AAK1: variants seen among roughly 807,000 people sequenced by gnomAD.
The protein encoded by AAK1 is AP2 associated kinase 1.
A neutral mutation model predicts 116.0 loss-of-function variants in AAK1; 37 were observed. The observed-to-expected ratio is 0.32, with a 90% CI of 0.25 to 0.42. The LOEUF is 0.42. Ranked by LOEUF, AAK1 falls within the 10% of genes least tolerant of loss-of-function variation. AAK1 has a pLI of 1.00. For synonymous variants in AAK1, 458 were observed against 439.9 expected, an observed-to-expected ratio of 1.04 and a Z score of -0.51; for missense variants, 919 against 1,170.6, an observed-to-expected ratio of 0.79 and a Z score of 3.14.
At chr2:69,587,691 C>A (rs1672850531) in intron 2 of AAK1, among the ~76,000 whole-genome samples, 1 of 151,954 alleles carries the variant, frequency 6.6e-6, no homozygotes, top group African/African-American at 2.4e-5. Context: ...GTCTTGAACT[C>A]CTGACCTCAG....
At position 69,492,518 on chromosome 2, in the gene AAK1, C is replaced by CTTTTTTTTT. The variant is rs987331929; in HGVS notation, c.2365+3458_2365+3466dup. ...CGTGAGCCACCGTGCCTGGCCAATT[C>CTTTTTTTTT]TTTTTTTTTTTTTTTTTTTTTTGAG... On this transcript the variant is annotated intron_variant, in intron 17 of 21. Coordinates refer to ENST00000409085, the MANE Select transcript of AAK1 (RefSeq NM_014911.5). Among the ~76,000 whole-genome samples the CTTTTTTTTT allele has an allele frequency of 4.2e-3, 347 of 83,398 alleles. 38 individuals carry two copies. Among genetic ancestry groups the CTTTTTTTTT allele is most frequent in the African/African-American group, 0.017 (322 of 18,936 alleles). The allele number at this position is 83,398 out of a possible 152,430, so 54.7% of individuals were successfully genotyped here.
intron 2 of AAK1, among the ~76,000 whole-genome samples, chr2:69,621,709 A>G (rs115191957): frequency 1.1e-3 from 163 of 152,328 alleles, no homozygotes; most frequent in Middle Eastern, 3.4e-3. Context: ...AACTACGAAC[A>G]CGCTGCCTCC....
intron 3 of AAK1, among the ~76,000 whole-genome samples, chr2:69,547,330 T>C (rs778921432): frequency 2.0e-5 from 3 of 152,046 alleles, no homozygotes; most frequent in African/African-American, 7.3e-5. Flanking sequence ...AAACAACATA[T>C]GGAATGGAAG....
At chr2:69,484,530 C>T (rs1675213844) in intron 17 of AAK1, among the ~76,000 whole-genome samples, 1 of 152,144 alleles carries the variant, frequency 6.6e-6, no homozygotes, top group Non-Finnish European at 1.5e-5. Context: ...CAGTGGCTCA[C>T]GCCTGTAATC....
At chr2:69,476,833 A>T (rs1289373054) in intron 21 of AAK1, 47 bp downstream of exon 21, 1 of 1,399,036 alleles carries the variant, frequency 7.1e-7, no homozygotes, top group Non-Finnish European at 1.0e-6. Flanking sequence ...ACTATTTTGA[A>T]GAGAACTGAG....
At position 69,458,796 on chromosome 2, in the gene AAK1, G is replaced by A. The variant is rs1439850363; in HGVS notation, c.*17073C>T. On this transcript the variant is annotated 3_prime_UTR_variant, in exon 22 of 22. Coordinates refer to ENST00000409085, the MANE Select transcript of AAK1 (RefSeq NM_014911.5). ...TACAGCTGATTTGCCATTTCAGAGT[G>A]AAAAGGCTGCACTGTCTCACCCTGC... is the stretch of plus-strand genomic sequence containing the variant. 1 of 152,598 alleles carries A rather than the reference G, an allele frequency of 6.6e-6. No individual in the cohort carries two copies. Among genetic ancestry groups the A allele is most frequent in the East Asian group, 1.9e-4 (1 of 5,200 alleles). The allele number at this position is 152,598 out of a possible 1,614,324, so 9.5% of individuals were successfully genotyped here. A position where few individuals can be genotyped will look rare whatever the true frequency, so the allele number is the denominator to read the frequency against.
chr2:69,553,505 G>A (rs4852274), intron 3 of AAK1, among the ~76,000 whole-genome samples: 54,184 of 143,218 alleles, frequency 0.38, 11,189 homozygotes, highest in East Asian at 0.75. Context: ...GTGTAGTGGC[G>A]TGATGTTGGC....
At chr2:69,615,269 A>C (rs1164181434) in intron 2 of AAK1, among the ~76,000 whole-genome samples, 1 of 152,154 alleles carries the variant, frequency 6.6e-6, no homozygotes, top group Non-Finnish European at 1.5e-5. Context: ...CGCAGGCCAG[A>C]ATAGTTCAGT....
At chr2:69,531,559 T>C (rs1298749432) in intron 6 of AAK1, 1 of 984,314 alleles carries the variant, frequency 1.0e-6, no homozygotes, top group African/African-American at 1.7e-5. Context: ...ATCATGAAAG[T>C]CTGTGATTCA....
intron 2 of AAK1, among the ~76,000 whole-genome samples, chr2:69,582,623 T>C (rs1459500624): frequency 6.6e-6 from 1 of 152,138 alleles, no homozygotes; most frequent in Non-Finnish European, 1.5e-5. Flanking sequence ...GGCTATTCAA[T>C]ATTCTACAGA....
chr2:69,553,111 C>T (rs1671244876), intron 3 of AAK1, among the ~76,000 whole-genome samples: 1 of 151,904 alleles, frequency 6.6e-6, no homozygotes, highest in South Asian at 2.1e-4. Flanking sequence ...AAAAATCCCC[C>T]AGAATGCAAG....
At chr2:69,627,706 C>A (rs1025138558) in intron 2 of AAK1, among the ~76,000 whole-genome samples, 1 of 152,184 alleles carries the variant, frequency 6.6e-6, no homozygotes, top group Non-Finnish European at 1.5e-5. Context: ...GACTCCTCTT[C>A]CTCCACACAG....
chr2:69,594,786 T>G, intron 2 of AAK1: 1 of 1,157,214 alleles, frequency 8.6e-7, no homozygotes, highest in Non-Finnish European at 1.3e-6. Flanking sequence ...CTCCTCCCAG[T>G]TCAGAATGCT....
Position 69,472,807 on chromosome 2 carries a change from C to G in AAK1, c.*3062G>C. On this transcript the variant is annotated 3_prime_UTR_variant, in exon 22 of 22. Transcript: ENST00000409085. ...CATTTAAAAAGAAATCTTCTGATAC[C>G]ATTTTATTAGAATAGGTAGGTGTGT... 4.1e-6 allele frequency: 4 copies of G among 985,404 alleles called. No individual in the cohort carries two copies. Among genetic ancestry groups the G allele is most frequent in the Non-Finnish European group, 4.8e-6 (4 of 829,792 alleles). The allele number at this position is 985,404 out of a possible 1,614,324, so 61.0% of individuals were successfully genotyped here. A position where few individuals can be genotyped will look rare whatever the true frequency, so the allele number is the denominator to read the frequency against.
chr2:69,568,396 T>C (rs1007864416), intron 2 of AAK1, among the ~76,000 whole-genome samples: 7 of 151,754 alleles, frequency 4.6e-5, no homozygotes, highest in African/African-American at 1.7e-4. Flanking sequence ...GAATACGCAC[T>C]GGCATCAAAG....
Position 69,530,723 on chromosome 2 carries a change from C to A in AAK1, c.657-17G>T. 6.3e-7 allele frequency: 1 copy of A among 1,583,204 alleles called. No homozygotes were observed. Among genetic ancestry groups the A allele is most frequent in the Non-Finnish European group, 8.7e-7 (1 of 1,153,210 alleles). Reference sequence around the variant, plus strand: ...GTTGTGTATCTACAATCAAGAGATTCATTTTTTATTAAATATGTCAATACT... The same window carrying A: ...GTTGTGTATCTACAATCAAGAGATTAATTTTTTATTAAATATGTCAATACT... On this transcript the variant is annotated splice_polypyrimidine_tract_variant and intron_variant, in intron 6 of 21. Transcript: ENST00000409085.
At chr2:69,516,631 C>G (rs1676592194) in intron 12 of AAK1, 1 of 152,270 alleles carries the variant, frequency 6.6e-6, no homozygotes, top group East Asian at 1.9e-4. Flanking sequence ...GCAAGGAAAT[C>G]ATTAAAGACC....
intron 5 of AAK1, among the ~76,000 whole-genome samples, chr2:69,534,105 TACTA>T (rs1177579107): frequency 2.6e-5 from 4 of 152,234 alleles, no homozygotes; most frequent in Non-Finnish European, 5.9e-5. Flanking sequence ...TTATTGCCAG[TACTA>T]CTGTACTCAG....
chr2:69,595,006 G>T, intron 2 of AAK1: 1 of 764,684 alleles, frequency 1.3e-6, no homozygotes, highest in Non-Finnish European at 2.4e-6. Flanking sequence ...TGTGGGGTTG[G>T]TGCTTGCCAC....
Sources: gnomAD v4.1 joint callset for allele counts (sites outside exome capture counted in the v4.1 genomes callset) on GRCh38, gnomAD v4.1.1 for gene constraint, MANE v1.5 for transcripts, NCBI Gene and HGNC (gene_info 2026-07-23, HGNC 2026-07-21) for gene names.